CR1: variants seen among roughly 807,000 people sequenced by gnomAD.
CR1 encodes the protein complement receptor type 1.
In CR1, 116 loss-of-function variants were observed where a neutral mutation model predicts 187.3. The observed-to-expected ratio is 0.62, with a 90% CI of 0.53 to 0.72. CR1 has a LOEUF of 0.72. CR1 is among the 30% of genes least tolerant of loss of function. The pLI, the probability that CR1 is intolerant of heterozygous loss-of-function variation, is 0.00. For synonymous variants in CR1, 576 were observed against 747.1 expected (o/e 0.77, Z 3.73); for missense variants, 1,731 against 2,110.7 (o/e 0.82, Z 3.52).
At chr1:207,503,291 C>G (rs1035508889) in intron 1 of CR1, among the ~76,000 whole-genome samples, 5 of 152,196 alleles carry the variant, frequency 3.3e-5, no homozygotes, top group African/African-American at 9.7e-5. Flanking sequence ...AAGATTCAAT[C>G]TATGAACCCA....
chr1:207,607,214 T>C (rs952251758), intron 35 of CR1, 37 bp from the exon 36 acceptor site: 6 of 1,457,610 alleles, frequency 4.1e-6, no homozygotes, highest in Non-Finnish European at 2.9e-6. Context: ...ATGGGAAATA[T>C]GTGTAGCGTA....
At chr1:207,608,389 A>G (rs367913934) in intron 36 of CR1, among the ~76,000 whole-genome samples, 9 of 152,344 alleles carry the variant, frequency 5.9e-5, no homozygotes, top group African/African-American at 2.2e-4. Context: ...CCACATATGT[A>G]TCTAAGAGGA....
Position 207,629,811 on chromosome 1 carries a change from G to T in CR1, c.7353-706G>T, listed in dbSNP as rs546271104. On this transcript the variant is annotated intron_variant, in intron 45 of 46. Transcript: ENST00000367049. ...AAGTGAGGGTGAGGGCTTTGCAACCGCTAAGGCCTGTGTTCACAGTCACTC... is the reference window on the plus strand; with the variant it reads ...AAGTGAGGGTGAGGGCTTTGCAACCTCTAAGGCCTGTGTTCACAGTCACTC... Among the ~76,000 whole-genome samples the T allele has an allele frequency of 3.9e-5, 6 of 152,258 alleles. No individual in the cohort carries two copies. The South Asian group carries it at 1.0e-3, about 26-fold the overall frequency.
intron 27 of CR1, among the ~76,000 whole-genome samples, chr1:207,575,056 A>T (rs1371027877): frequency 6.6e-6 from 1 of 152,240 alleles, no homozygotes; most frequent in East Asian, 1.9e-4. Flanking sequence ...TGAAAGAATG[A>T]TGATGAAAGC....
chr1:207,581,636 G>A (rs970227292), intron 31 of CR1, among the ~76,000 whole-genome samples: 5 of 152,056 alleles, frequency 3.3e-5, no homozygotes, highest in East Asian at 1.9e-4. Context: ...GAATAGGAAC[G>A]AAAGAGTAAG....
intron 35 of CR1, among the ~76,000 whole-genome samples, chr1:207,595,006 T>C (rs946166202): frequency 2.0e-5 from 3 of 152,112 alleles, no homozygotes; most frequent in Non-Finnish European, 4.4e-5. Context: ...GTTTGTAACA[T>C]AGAATCGATG....
At chr1:207,581,120 A>T (rs1330857418) in intron 31 of CR1, among the ~76,000 whole-genome samples, 2 of 152,144 alleles carry the variant, frequency 1.3e-5, no homozygotes, top group Admixed American at 6.5e-5. Context: ...ATATATGTAT[A>T]CATACGTATA....
At chr1:207,579,862 A>G (rs2102341667) in intron 29 of CR1, among the ~76,000 whole-genome samples, 1 of 152,274 alleles carries the variant, frequency 6.6e-6, no homozygotes, top group African/African-American at 2.4e-5. Flanking sequence ...GTAAGCCCCA[A>G]TTTAGGGGCA....
intron 4 of CR1, among the ~76,000 whole-genome samples, chr1:207,521,144 T>C (rs1046346975): frequency 6.6e-6 from 1 of 152,020 alleles, no homozygotes; most frequent in African/African-American, 2.4e-5. Context: ...GCCTGGCTAA[T>C]TTTTACCCTT....
rs751978101 is a variant in CR1, at chr1:207,609,585, C to T, written c.6192C>T (p.Ile2064=). ...GGAGTTTCTTTACCCTCACTGAGAT[C>T]ATCAGATTTAGATGTCAGCCCGGGT... is the stretch of plus-strand genomic sequence containing the variant. The part of the protein sequence containing the change: ...GNRSFFTLTE[I]IRFRCQPGFV... Residue 2064 remains isoleucine, a synonymous_variant, in exon 37 of 47, where the codon ATC becomes ATT. Coordinates refer to ENST00000367049, the MANE Select transcript of CR1 (RefSeq NM_000651.6). 5 of 1,613,410 alleles carry T rather than the reference C, an allele frequency of 3.1e-6. No homozygotes were observed. Among genetic ancestry groups the T allele is most frequent in the Non-Finnish European group, 4.2e-6 (5 of 1,179,648 alleles).
chr1:207,524,607 C>T (rs929831961), intron 5 of CR1, among the ~76,000 whole-genome samples: 7 of 151,960 alleles, frequency 4.6e-5, no homozygotes, highest in Non-Finnish European at 8.8e-5. Context: ...AGGCTGGTCT[C>T]GAACTCCTCA....
chr1:207,628,831 A>G (rs1662560512), intron 45 of CR1, among the ~76,000 whole-genome samples: 1 of 152,140 alleles, frequency 6.6e-6, no homozygotes, highest in Non-Finnish European at 1.5e-5. Flanking sequence ...ATCTTTCTAG[A>G]GAACCGTATG....
intron 29 of CR1, among the ~76,000 whole-genome samples, chr1:207,579,020 G>C (rs959572295): frequency 6.6e-6 from 1 of 152,212 alleles, no homozygotes; most frequent in Non-Finnish European, 1.5e-5. Flanking sequence ...AAGAGTGAAA[G>C]TAACTTGTTC....
intron 4 of CR1, 33 bp downstream of exon 4, chr1:207,511,687 C>T: frequency 6.3e-7 from 1 of 1,583,118 alleles, no homozygotes; most frequent in Non-Finnish European, 8.7e-7. Context: ...ATTTCTTTTA[C>T]CGACACATTC....
In CR1 at chr1:207,617,596, TATATATATATATATATAGAGAGAG is replaced by T. The variant is rs1390513633; in HGVS notation, c.6890-473_6890-450del. 7.6e-3 allele frequency among the ~76,000 whole-genome samples: 318 copies of T among 42,050 alleles called. 3 individuals are homozygous for T. The highest frequency in any genetic ancestry group is 0.02 in the Middle Eastern group (2 of 100). The allele number at this position is 42,050 out of a possible 152,430, so 27.6% of individuals were successfully genotyped here. A position where few individuals can be genotyped will look rare whatever the true frequency, so the allele number is the denominator to read the frequency against. ...GTGTGTGTATATATATATATATATA[TATATATATATATATATAGAGAGAG>T]AGAGAGAGAGAGAGAGAGAGAGAGA... On this transcript the variant is annotated intron_variant, in intron 41 of 46. Coordinates refer to ENST00000367049, the MANE Select transcript of CR1 (RefSeq NM_000651.6).
At position 207,496,287 on chromosome 1, in the gene CR1, G is replaced by A; in HGVS notation, c.20G>A (p.Arg7Lys). ...GGGAGAATGGGGGCCTCTTCTCCAA[G>A]AAGCCCGGAGCCTGTCGGGCCGCCG... MGASSP[R>K]SPEPVGPPAP... The change falls in exon 1 of 47, where the codon AGA becomes AAA. Residue 7 changes from arginine to lysine, a missense_variant. Arg to Lys is a conservative substitution (Grantham distance 26, BLOSUM62 2). Around this residue, in one of 5 missense-constraint regions of CR1, gnomAD observed 237 missense variants for 240.4 expected, o/e 0.99. Coordinates refer to ENST00000367049, the MANE Select transcript of CR1 (RefSeq NM_000651.6). 1 of 1,613,858 alleles carries A rather than the reference G, an allele frequency of 6.2e-7. No homozygotes were observed. The highest frequency in any genetic ancestry group is 8.5e-7 in the Non-Finnish European group (1 of 1,179,864).
At chr1:207,630,712 G>C in intron 46 of CR1, 91 bp downstream of exon 46, 1 of 762,900 alleles carries the variant, frequency 1.3e-6, no homozygotes, top group Non-Finnish European at 2.0e-6. Flanking sequence ...GCACTAGGTA[G>C]GTCATTGATA....
intron 1 of CR1, among the ~76,000 whole-genome samples, chr1:207,501,526 G>A (rs950885190): frequency 2.6e-5 from 4 of 152,110 alleles, no homozygotes; most frequent in Non-Finnish European, 5.9e-5. Flanking sequence ...GGAGAGAAAG[G>A]AAACTACATC....
chr1:207,522,738 G>C (rs1660035563), intron 4 of CR1, among the ~76,000 whole-genome samples: 1 of 152,152 alleles, frequency 6.6e-6, no homozygotes, highest in Non-Finnish European at 1.5e-5. Context: ...AGTAGAAGCA[G>C]AGCCTGAAAA....
Sources: gnomAD v4.1 joint callset for allele counts (sites outside exome capture counted in the v4.1 genomes callset) on GRCh38, gnomAD v4.1.1 for gene constraint, gnomAD v4.1.1 regional missense constraint, MANE v1.5 for transcripts, NCBI Gene and HGNC (gene_info 2026-07-23, HGNC 2026-07-21) for gene names.